The following MRLN variants were observed in gnomAD, a reference collection of about 807,000 sequenced individuals.
MRLN encodes the protein Linc-RNA activator of myogenesis.
chr10:59,739,624 C>T (rs1840960293), intron 1 of MRLN: 1 of 152,040 alleles, frequency 6.6e-6, no homozygotes, highest in Non-Finnish European at 1.5e-5. Context: ...TCTGGAGGGC[C>T]AACTGTATTA....
chr10:59,737,087 A>G lies in MRLN; in HGVS notation c.114T>C (p.Ser38=). The G allele has an allele frequency of 2.5e-6, 1 of 397,698 alleles. No individual in the cohort carries two copies. Among genetic ancestry groups the G allele is most frequent in the Non-Finnish European group, 4.4e-6 (1 of 225,216 alleles). 24.6% of individuals were successfully genotyped at this position (397,698 alleles called of 1,614,324 possible). A position where few individuals can be genotyped will look rare whatever the true frequency, so the allele number is the denominator to read the frequency against. Residue 38 remains serine, a synonymous_variant, in exon 3 of 3, where the codon TCT becomes TCC. Coordinates refer to ENST00000414264, the MANE Select transcript of MRLN (RefSeq NM_001304731.2). ...AAGAAGTTATCACAACATATATAAT[A>G]GAAATTAAGTCAACAAAGATAACAA... The part of the protein sequence containing the change: ...ILFVIFVDLI[S]IIYVVITS
At chr10:59,740,114 C>A (rs1431675775) in intron 1 of MRLN, among the ~76,000 whole-genome samples, 1 of 150,514 alleles carries the variant, frequency 6.6e-6, no homozygotes, top group Non-Finnish European at 1.5e-5. Context: ...AAGATTATAA[C>A]AGAGTTGTAA....
rs140522370 is a variant in MRLN, at chr10:59,740,912, C to T, written c.-124-2350G>A. On this transcript the variant is annotated intron_variant, in intron 1 of 2. Transcript: ENST00000414264. ...TCCTGGATTCATGCAATTCTCCTGC[C>T]TCAGCCTCCCGAGTAGCTGAGATTA... 7.9e-5 allele frequency among the ~76,000 whole-genome samples: 12 copies of T among 152,028 alleles called. No homozygotes were observed. The East Asian group carries it at 1.9e-3, about 25-fold the overall frequency.
intron 1 of MRLN, among the ~76,000 whole-genome samples, chr10:59,751,384 A>G (rs1008354657): frequency 6.6e-6 from 1 of 152,108 alleles, no homozygotes; most frequent in Non-Finnish European, 1.5e-5. Flanking sequence ...ATACTTGGCC[A>G]GGTGCGGTGG....
chr10:59,751,922 G>A (rs1463846577), intron 1 of MRLN, among the ~76,000 whole-genome samples: 1 of 152,190 alleles, frequency 6.6e-6, no homozygotes, highest in South Asian at 2.1e-4. Flanking sequence ...CAGACACACA[G>A]AATCTAATGT....
At chr10:59,741,679 C>T (rs1473843586) in intron 1 of MRLN, among the ~76,000 whole-genome samples, 1 of 152,146 alleles carries the variant, frequency 6.6e-6, no homozygotes, top group African/African-American at 2.4e-5. Context: ...CCACCACACC[C>T]AGCCTATTTC....
intron 1 of MRLN, among the ~76,000 whole-genome samples, chr10:59,750,977 G>A (rs528121656): frequency 3.3e-5 from 5 of 152,362 alleles, no homozygotes; most frequent in Admixed American, 2.0e-4. Context: ...TTGGTGAATG[G>A]AGGGGAGTGG....
intron 1 of MRLN, among the ~76,000 whole-genome samples, chr10:59,746,391 G>A (rs1432760425): frequency 6.6e-6 from 1 of 152,128 alleles, no homozygotes; most frequent in Non-Finnish European, 1.5e-5. Flanking sequence ...GGGAGATGAA[G>A]GACTTTGAGT....
At chr10:59,749,847 G>A (rs72815872) in intron 1 of MRLN, among the ~76,000 whole-genome samples, 30,018 of 151,912 alleles carry the variant, frequency 0.2, 3,497 homozygotes, top group Middle Eastern at 0.31. Flanking sequence ...TTAGATGAGA[G>A]GAAACAAATA....
intron 1 of MRLN, among the ~76,000 whole-genome samples, chr10:59,752,772 A>T (rs1030901739): frequency 6.6e-6 from 1 of 151,884 alleles, no homozygotes; most frequent in Admixed American, 6.6e-5. Flanking sequence ...AAGGACTCTC[A>T]GAAGCACCCA....
chr10:59,744,439 C>A (rs1171587), intron 1 of MRLN, among the ~76,000 whole-genome samples: 79,494 of 150,694 alleles, frequency 0.53, 21,805 homozygotes, highest in Admixed American at 0.61. Flanking sequence ...CTGCCCCTTC[C>A]GGGAGGCGGG....
intron 2 of MRLN, among the ~76,000 whole-genome samples, chr10:59,737,759 T>C (rs996029911): frequency 2.0e-5 from 3 of 152,126 alleles, no homozygotes; most frequent in Non-Finnish European, 2.9e-5. Context: ...TCTGTATTAA[T>C]AAAACAGGTT....
chr10:59,747,435 G>A (rs1195561038), intron 1 of MRLN, among the ~76,000 whole-genome samples: 1 of 152,216 alleles, frequency 6.6e-6, no homozygotes, highest in Admixed American at 6.5e-5. Context: ...AATTCAATGA[G>A]ATAATGCTTG....
chr10:59,751,352 CAA>C (rs1841100701), intron 1 of MRLN, among the ~76,000 whole-genome samples: 1 of 152,052 alleles, frequency 6.6e-6, no homozygotes, highest in South Asian at 2.1e-4. Context: ...CTATTCTTCA[CAA>C]AGTCATTACT....
chr10:59,740,349 C>A (rs766904135), intron 1 of MRLN, among the ~76,000 whole-genome samples: 1 of 152,108 alleles, frequency 6.6e-6, no homozygotes, highest in Non-Finnish European at 1.5e-5. Context: ...AGAGTGCACT[C>A]CTTGTCCTTA....
At chr10:59,748,643 C>G (rs1160852255) in intron 1 of MRLN, among the ~76,000 whole-genome samples, 1 of 152,176 alleles carries the variant, frequency 6.6e-6, no homozygotes, top group East Asian at 1.9e-4. Context: ...GATATTGGAG[C>G]TTTTGTAAAC....
At chr10:59,740,836 C>T (rs1339915246) in intron 1 of MRLN, among the ~76,000 whole-genome samples, 1 of 149,396 alleles carries the variant, frequency 6.7e-6, no homozygotes, top group African/African-American at 2.5e-5. Flanking sequence ...TCTCTCTTAT[C>T]GCCCAGGCTG....
At chr10:59,743,854 C>T (rs184907279) in intron 1 of MRLN, among the ~76,000 whole-genome samples, 23 of 152,266 alleles carry the variant, frequency 1.5e-4, no homozygotes, top group African/African-American at 4.8e-4. Flanking sequence ...TTGGTGGAGA[C>T]GGGGTTTCGC....
chr10:59,746,137 C>A (rs1841042083), intron 1 of MRLN, among the ~76,000 whole-genome samples: 1 of 152,136 alleles, frequency 6.6e-6, no homozygotes. Context: ...ATCTTAAACA[C>A]ATCAGTCACA....
Sources: gnomAD v4.1 joint callset for allele counts (sites outside exome capture counted in the v4.1 genomes callset) on GRCh38, gnomAD v4.1.1 for gene constraint, MANE v1.5 for transcripts, NCBI Gene and HGNC (gene_info 2026-07-23, HGNC 2026-07-21) for gene names.